Variants in PATJ observed in about 807,000 individuals in gnomAD.
PATJ encodes PATJ crumbs cell polarity complex component.
A neutral mutation model predicts 224.9 loss-of-function variants in PATJ; 190 were observed. The ratio of observed to expected loss-of-function variants is 0.84; its 90% CI spans 0.75 to 0.95. The LOEUF (loss-of-function observed/expected upper bound fraction) is 0.95. Among genes scored for constraint, PATJ ranks in the 40% least tolerant of loss-of-function variants. PATJ has a pLI of 0.00. For synonymous variants in PATJ, 769 were observed against 820.3 expected (o/e 0.94, Z 1.07); for missense variants, 2,121 against 2,270.3 (o/e 0.93, Z 1.34).
At chr1:62,028,451 T>C (rs1648474378) in intron 29 of PATJ, among the ~76,000 whole-genome samples, 1 of 152,174 alleles carries the variant, frequency 6.6e-6, no homozygotes, top group South Asian at 2.1e-4. Flanking sequence ...CATTCCCCCA[T>C]TGAATGGTCT....
intron 28 of PATJ, 199 bp downstream of exon 28, chr1:61,990,563 C>G: frequency 2.4e-6 from 1 of 420,828 alleles, no homozygotes; most frequent in Non-Finnish European, 4.1e-6. Flanking sequence ...AAACTAATCT[C>G]ACAGAATATT....
In PATJ at chr1:62,135,515, C is replaced by CAAAAAAAAAAAAAAA. The variant is rs4019805; in HGVS notation, c.5271+6579_5271+6593dup. Among the ~76,000 whole-genome samples the CAAAAAAAAAAAAAAA allele has an allele frequency of 3.6e-5, 3 of 83,784 alleles. 1 individual carries two copies. Among genetic ancestry groups the CAAAAAAAAAAAAAAA allele is most frequent in the Non-Finnish European group, 6.7e-5 (3 of 44,550 alleles). 55.0% of individuals were successfully genotyped at this position (83,784 alleles called of 152,430 possible). A position where few individuals can be genotyped will look rare whatever the true frequency, so the allele number is the denominator to read the frequency against. On this transcript the variant is annotated intron_variant, in intron 41 of 43. Transcript: ENST00000642238. ...TGGGTGACAGAGCGAGACTCCGTCTCAAAAAAAAAAAAAAAAAAAAAAAGC... is the reference window on the plus strand; with the variant it reads ...TGGGTGACAGAGCGAGACTCCGTCTCAAAAAAAAAAAAAAAAAAAAAAAAAAAAAAAAAAAAAAGC...
chr1:62,014,606 G>GCC (rs1266276755), intron 28 of PATJ, among the ~76,000 whole-genome samples: 1 of 102,240 alleles, frequency 9.8e-6, no homozygotes, highest in East Asian at 3.1e-4. Context: ...TCACTGTGTT[G>GCC]CCCAGGCTAG....
intron 17 of PATJ, among the ~76,000 whole-genome samples, chr1:61,841,912 T>C (rs1292897737): frequency 6.6e-6 from 1 of 152,226 alleles, no homozygotes; most frequent in Admixed American, 6.5e-5. Flanking sequence ...ATTTGCTTCC[T>C]TTCCCTCTAT....
At chr1:61,820,637 C>T (rs181153674) in intron 14 of PATJ, among the ~76,000 whole-genome samples, 22 of 152,296 alleles carry the variant, frequency 1.4e-4, no homozygotes, top group Admixed American at 6.5e-5. Flanking sequence ...CTACCACACC[C>T]GGCCTACATT....
intron 34 of PATJ, 93 bp downstream of exon 34, chr1:62,108,613 C>T (rs1200641216): frequency 3.2e-6 from 2 of 616,854 alleles, no homozygotes; most frequent in Admixed American, 5.9e-5. Flanking sequence ...ACTGTATTTT[C>T]ACTGATTCCT....
At chr1:61,856,386 A>G in intron 18 of PATJ, 147 bp downstream of exon 18, 1 of 642,452 alleles carries the variant, frequency 1.6e-6, no homozygotes, top group Non-Finnish European at 2.7e-6. Context: ...AATGTCCTTG[A>G]CTTACAATAT....
chr1:61,944,042 A>G (rs1678267922), intron 27 of PATJ, among the ~76,000 whole-genome samples: 1 of 152,224 alleles, frequency 6.6e-6, no homozygotes, highest in Non-Finnish European at 1.5e-5. Context: ...AACAGAAAGG[A>G]CATCCACACC....
chr1:61,792,403 T>C (rs1650074123), intron 9 of PATJ, among the ~76,000 whole-genome samples: 1 of 152,238 alleles, frequency 6.6e-6, no homozygotes, highest in South Asian at 2.1e-4. Flanking sequence ...GAATCATTAG[T>C]TCCTAAACTT....
chr1:61,795,352 G>C, intron 9 of PATJ, 115 bp from the exon 10 acceptor site: 1 of 560,270 alleles, frequency 1.8e-6, no homozygotes, highest in Non-Finnish European at 3.2e-6. Flanking sequence ...GTTCAAAATA[G>C]TATTTATCAA....
intron 8 of PATJ, among the ~76,000 whole-genome samples, chr1:61,790,206 A>AG (rs1340843440): frequency 1.1e-4 from 10 of 94,026 alleles, no homozygotes; most frequent in East Asian, 2.9e-4. Context: ...CCTGTCTCTG[A>AG]GAAAAAAAAA....
intron 28 of PATJ, among the ~76,000 whole-genome samples, chr1:62,000,784 CAA>C (rs1645716406): frequency 6.6e-6 from 1 of 150,780 alleles, no homozygotes; most frequent in Admixed American, 6.6e-5. Context: ...CTGACTTCCC[CAA>C]GGGTTGAACT....
At chr1:62,092,379 G>A (rs1168848890) in intron 33 of PATJ, among the ~76,000 whole-genome samples, 1 of 149,316 alleles carries the variant, frequency 6.7e-6, no homozygotes, top group African/African-American at 2.5e-5. Flanking sequence ...GACCTTGCCT[G>A]TTAAAAAAAA....
At chr1:62,148,199 T>C in intron 41 of PATJ, 85 bp from the exon 42 acceptor site, 1 of 842,628 alleles carries the variant, frequency 1.2e-6, no homozygotes. Context: ...AGATTAGGAT[T>C]GAGAACTGAC....
chr1:61,978,691 T>C (rs1644284340), intron 27 of PATJ, among the ~76,000 whole-genome samples: 1 of 152,114 alleles, frequency 6.6e-6, no homozygotes, highest in Non-Finnish European at 1.5e-5. Flanking sequence ...ATGTTTATTA[T>C]ACCTGATTTT....
intron 15 of PATJ, among the ~76,000 whole-genome samples, chr1:61,827,010 T>G (rs1317456764): frequency 6.6e-6 from 1 of 152,050 alleles, no homozygotes; most frequent in Non-Finnish European, 1.5e-5. Context: ...AAAATGAAAA[T>G]GCAAAGGGAA....
chr1:62,163,252 C>T lies in PATJ; in HGVS notation c.*2198C>T, dbSNP rs1369788736. On this transcript the variant is annotated 3_prime_UTR_variant, in exon 44 of 44. Coordinates refer to ENST00000642238, the MANE Select transcript of PATJ (RefSeq NM_001350145.3). ...TTAAGTTTTCTGAAATTACACATGG[C>T]TTTTAAAATTTCTAATGTATCCAAG... 1 of 153,508 alleles carries T rather than the reference C, an allele frequency of 6.5e-6. No individual in the cohort carries two copies. Among genetic ancestry groups the T allele is most frequent in the Non-Finnish European group, 1.5e-5 (1 of 68,708 alleles). The allele number at this position is 153,508 out of a possible 1,614,324, so 9.5% of individuals were successfully genotyped here.
chr1:61,931,351 C>A (rs113624295), intron 27 of PATJ, among the ~76,000 whole-genome samples: 3,645 of 151,370 alleles, frequency 0.024, 137 homozygotes, highest in African/African-American at 0.083. Context: ...ATGAATAAAA[C>A]AAAGTAATAA....
chr1:61,831,265 TG>T (rs562874167), intron 16 of PATJ, among the ~76,000 whole-genome samples: 28 of 151,628 alleles, frequency 1.8e-4, no homozygotes, highest in Non-Finnish European at 3.7e-4. Context: ...TTGTGGATAT[TG>T]GCCTTGGCAA....
Sources: allele counts gnomAD v4.1 joint callset (sites outside exome capture counted in the v4.1 genomes callset), GRCh38; gene constraint gnomAD v4.1.1; transcripts MANE v1.5; gene names NCBI Gene and HGNC (gene_info 2026-07-23, HGNC 2026-07-21).